PDZRN4: variants seen among roughly 807,000 people sequenced by gnomAD.
The protein encoded by PDZRN4 is PDZ domain-containing RING finger protein 4.
In PDZRN4, 70 loss-of-function variants were observed where a neutral mutation model predicts 99.0. The ratio of observed to expected loss-of-function variants is 0.71; its 90% confidence interval spans 0.58 to 0.86. The LOEUF is 0.86. Among genes scored for constraint, PDZRN4 ranks in the 40% least tolerant of loss-of-function variants. The pLI is 0.00. For missense variants in PDZRN4, 1,474 were observed against 1,331.2 expected (o/e 1.11, Z -1.67); for synonymous variants, 551 against 501.6 (o/e 1.10, Z -1.32).
intron 3 of PDZRN4, among the ~76,000 whole-genome samples, chr12:41,438,338 A>G (rs748267297): frequency 1.3e-5 from 2 of 152,216 alleles, no homozygotes; most frequent in Non-Finnish European, 2.9e-5. Flanking sequence ...TACTGTTGAC[A>G]TTTGAAAATC....
intron 3 of PDZRN4, among the ~76,000 whole-genome samples, chr12:41,415,963 A>G (rs1165653583): frequency 6.6e-6 from 1 of 152,198 alleles, no homozygotes; most frequent in Non-Finnish European, 1.5e-5. Flanking sequence ...AATGAAACAG[A>G]CTAAGTCTAG....
chr12:41,558,527 T>C (rs1383045633), intron 7 of PDZRN4, among the ~76,000 whole-genome samples: 1 of 152,184 alleles, frequency 6.6e-6, no homozygotes, highest in South Asian at 2.1e-4. Flanking sequence ...GTGGGTATAG[T>C]TGGATGGAAA....
intron 3 of PDZRN4, among the ~76,000 whole-genome samples, chr12:41,199,092 C>T (rs1357216595): frequency 1.3e-5 from 2 of 152,122 alleles, no homozygotes; most frequent in Admixed American, 1.3e-4. Context: ...ATCAGATCTG[C>T]AAGGTGCTAC....
chr12:41,360,045 T>A (rs749908640), intron 3 of PDZRN4, among the ~76,000 whole-genome samples: 7 of 152,058 alleles, frequency 4.6e-5, no homozygotes, highest in African/African-American at 1.7e-4. Context: ...GTAAGCATCA[T>A]CCAATGTGAC....
At chr12:41,396,575 G>T (rs1191051772) in intron 3 of PDZRN4, among the ~76,000 whole-genome samples, 1 of 152,102 alleles carries the variant, frequency 6.6e-6, no homozygotes, top group Non-Finnish European at 1.5e-5. Context: ...AACAAAACTG[G>T]CTGTTTCAGG....
intron 5 of PDZRN4, among the ~76,000 whole-genome samples, chr12:41,511,485 C>G (rs2120687504): frequency 6.6e-6 from 1 of 152,140 alleles, no homozygotes; most frequent in South Asian, 2.1e-4. Context: ...AATTTGCTGT[C>G]AGCTGTGATT....
chr12:41,351,189 A>T (rs1171542004), intron 3 of PDZRN4, among the ~76,000 whole-genome samples: 2 of 152,114 alleles, frequency 1.3e-5, no homozygotes, highest in South Asian at 4.1e-4. Context: ...CTAGGTGATA[A>T]TCCCTTCAGA....
intron 3 of PDZRN4, among the ~76,000 whole-genome samples, chr12:41,212,330 G>A (rs74473244): frequency 0.017 from 2,597 of 152,070 alleles, 54 homozygotes; most frequent in African/African-American, 0.047. Context: ...TTGTGAACCA[G>A]TAGTTATGCA....
chr12:41,377,497 T>C (rs915394486), intron 3 of PDZRN4, among the ~76,000 whole-genome samples: 2 of 152,160 alleles, frequency 1.3e-5, no homozygotes, highest in Non-Finnish European at 2.9e-5. Context: ...ACCCTATCTC[T>C]ATTAAAAATA....
At chr12:41,383,969 A>T (rs77378759) in intron 3 of PDZRN4, among the ~76,000 whole-genome samples, 1 of 74,956 alleles carries the variant, frequency 1.3e-5, no homozygotes, top group South Asian at 6.8e-4. Flanking sequence ...CACTATGGAG[A>T]TTTTTTTTTT....
At chr12:41,543,328 A>AGTGT (rs1161578587) in intron 5 of PDZRN4, among the ~76,000 whole-genome samples, 15 of 151,926 alleles carry the variant, frequency 9.9e-5, no homozygotes, top group African/African-American at 3.6e-4. Flanking sequence ...AGAATTAAAA[A>AGTGT]GTGTGTGTGT....
At chr12:41,284,167 CA>C (rs2120892451) in intron 3 of PDZRN4, among the ~76,000 whole-genome samples, 1 of 152,188 alleles carries the variant, frequency 6.6e-6, no homozygotes. Context: ...AATGTCTCAG[CA>C]TACAAAATAA....
intron 3 of PDZRN4, among the ~76,000 whole-genome samples, chr12:41,388,974 T>C (rs542457935): frequency 4.6e-5 from 7 of 152,208 alleles, no homozygotes; most frequent in African/African-American, 9.6e-5. Context: ...AATGACTAAC[T>C]GATTGGCTTG....
intron 3 of PDZRN4, among the ~76,000 whole-genome samples, chr12:41,462,039 A>T (rs1375156147): frequency 1.3e-5 from 2 of 152,174 alleles, no homozygotes; most frequent in Non-Finnish European, 2.9e-5. Flanking sequence ...AGCTCTGATT[A>T]CATTCGCTCT....
intron 3 of PDZRN4, among the ~76,000 whole-genome samples, chr12:41,307,310 G>A (rs1202296240): frequency 3.9e-5 from 6 of 152,142 alleles, no homozygotes; most frequent in Non-Finnish European, 8.8e-5. Context: ...TCTCTTCCTG[G>A]CATGCAGATG....
intron 3 of PDZRN4, among the ~76,000 whole-genome samples, chr12:41,246,501 G>A (rs957190805): frequency 2.6e-5 from 4 of 152,140 alleles, no homozygotes; most frequent in African/African-American, 7.2e-5. Context: ...CATCCAAAAC[G>A]TTTGCAGTTT....
chr12:41,388,361 T>C (rs1255050917), intron 3 of PDZRN4, among the ~76,000 whole-genome samples: 2 of 149,814 alleles, frequency 1.3e-5, no homozygotes, highest in Admixed American at 6.7e-5. Flanking sequence ...AAACTACACA[T>C]GTACCTCTGA....
At chr12:41,190,505 C>A (rs1177685158) in intron 1 of PDZRN4, among the ~76,000 whole-genome samples, 1 of 152,174 alleles carries the variant, frequency 6.6e-6, no homozygotes, top group Non-Finnish European at 1.5e-5. Context: ...TGCAACAAGT[C>A]AAGCTATGAT....
chr12:41,567,818 A>T lies in PDZRN4; in HGVS notation c.1503A>T (p.Glu501Asp). 6.2e-7 allele frequency: 1 copy of T among 1,613,334 alleles called. No homozygotes were observed. Among genetic ancestry groups the T allele is most frequent in the Non-Finnish European group, 8.5e-7 (1 of 1,179,544 alleles). ...GCTGGCTGGAAGATGAAAGGAATGAATTCTTAGAGGAGTTAAACTTGGAGA... is the reference window on the plus strand; with the variant it reads ...GCTGGCTGGAAGATGAAAGGAATGATTTCTTAGAGGAGTTAAACTTGGAGA... Reference protein sequence around the residue: ...DEGWLEDERNEFLEELNLEML... With the variant: ...DEGWLEDERNDFLEELNLEML... The change falls in exon 9 of 10, where the codon GAA becomes GAT. Residue 501 changes from glutamate (E) to aspartate (D), a missense_variant. Glu to Asp is a conservative substitution (Grantham distance 45). Coordinates refer to ENST00000402685, the MANE Select transcript of PDZRN4 (RefSeq NM_001164595.2).
Sources: gnomAD v4.1 joint callset for allele counts (sites outside exome capture counted in the v4.1 genomes callset) on GRCh38, gnomAD v4.1.1 for gene constraint, MANE v1.5 for transcripts, NCBI Gene and HGNC (gene_info 2026-07-23, HGNC 2026-07-21) for gene names.